The following NOL4L variants were observed in gnomAD, a reference collection of about 807,000 sequenced individuals.
NOL4L encodes nucleolar protein 4-like.
Under a neutral mutation model 64.5 loss-of-function variants are expected in NOL4L, and 7 were observed. The observed-to-expected ratio is 0.11, with a 90% CI of 0.06 to 0.20. The LOEUF (loss-of-function observed/expected upper bound fraction) is 0.20. Among genes scored for constraint, NOL4L ranks in the 10% least tolerant of loss-of-function variants. The probability of loss-of-function intolerance (pLI) is 1.00; values close to 1 mark genes in which losing one functional copy is unlikely to be tolerated. For missense variants in NOL4L, 680 were observed against 967.1 expected, an observed-to-expected ratio of 0.70 and a Z score of 3.94; for synonymous variants, 413 against 401.0, an observed-to-expected ratio of 1.03 and a Z score of -0.36.
intron 3 of NOL4L, among the ~76,000 whole-genome samples, chr20:32,516,210 G>A (rs571572450): frequency 1.1e-4 from 17 of 152,156 alleles, no homozygotes; most frequent in African/African-American, 3.1e-4. Context: ...CAGAGAGGCC[G>A]TGAGACCAGC....
intron 1 of NOL4L, among the ~76,000 whole-genome samples, chr20:32,546,946 A>C (rs2018741161): frequency 1.3e-5 from 2 of 152,236 alleles, no homozygotes; most frequent in Admixed American, 6.5e-5. Context: ...TGAAAGAATA[A>C]GTGATGAATG....
In NOL4L at chr20:32,494,813, A is replaced by G. The variant is rs191634587; in HGVS notation, c.699+16534T>C. 5.3e-4 allele frequency among the ~76,000 whole-genome samples: 81 copies of G among 152,286 alleles called. No individual in the cohort carries two copies. In the Middle Eastern group the frequency reaches 0.014, roughly 26 times the overall value. ...CCTCAATAACATCACAGAGACACCA[A>G]CCCAACATTGCAAATGGCACCAGCG... On this transcript the variant is annotated intron_variant, in intron 4 of 10. Coordinates refer to ENST00000621426, the MANE Select transcript of NOL4L (RefSeq NM_001256798.2).
chr20:32,448,006 G>A (rs1211644316), intron 10 of NOL4L, among the ~76,000 whole-genome samples, 190 bp from the exon 11 acceptor site: 1 of 152,200 alleles, frequency 6.6e-6, no homozygotes, highest in East Asian at 1.9e-4. Flanking sequence ...CGGGCGACAG[G>A]GTTCTCAGAG....
Position 32,456,290 on chromosome 20 carries a change from T to C in NOL4L, c.947A>G (p.Asn316Ser), listed in dbSNP as rs761556407. 72 of 1,583,820 alleles carry C rather than the reference T, an allele frequency of 4.5e-5. No homozygotes were observed. Among genetic ancestry groups the C allele is most frequent in the Non-Finnish European group, 5.9e-5 (69 of 1,162,696 alleles). Residue 316 changes from asparagine (N) to serine (S), a missense_variant, in exon 6 of 11, where the codon AAC becomes AGC. Around this residue, in one of 4 missense-constraint regions of NOL4L, gnomAD observed 254 missense variants for 238.7 expected, o/e 1.06. Coordinates refer to ENST00000621426, the MANE Select transcript of NOL4L (RefSeq NM_001256798.2). ...GDPAFPEMNG[N>S]GAVAPMDFTT... ...GAAGTCCATGGGGGCCACGGCGCCG[T>C]TGCCATTCATCTCGGGGAAGGCAGG... is the stretch of plus-strand genomic sequence containing the variant.
chr20:32,474,511 C>A, intron 5 of NOL4L, 90 bp downstream of exon 5: 1 of 1,470,854 alleles, frequency 6.8e-7, no homozygotes, highest in East Asian at 2.4e-5. Flanking sequence ...TTCCGCCACC[C>A]TGGAGTGTGT....
Position 32,453,173 on chromosome 20 carries a change from C to G in NOL4L, c.1497+131G>C, listed in dbSNP as rs1485268188. On this transcript the variant is annotated intron_variant, in intron 8 of 10. Transcript: ENST00000621426. The surrounding 1 kb of genome is among the most constrained non-coding windows in gnomAD (Gnocchi z 5.6). ...GGCCTTAGTTCCCTCATTTGCAAAC[C>G]AGGGATTATGGTACTTGCTTCCAGG... 17 of 1,410,232 alleles carry G rather than the reference C, an allele frequency of 1.2e-5. No individual in the cohort carries two copies. The highest frequency in any genetic ancestry group is 1.5e-5 in the Non-Finnish European group (16 of 1,041,952). 87.4% of individuals were successfully genotyped at this position (1,410,232 alleles called of 1,614,324 possible).
chr20:32,534,964 T>C (rs2018468070), intron 1 of NOL4L, among the ~76,000 whole-genome samples: 1 of 151,302 alleles, frequency 6.6e-6, no homozygotes, highest in Non-Finnish European at 1.5e-5. Context: ...TTTCAGCTCC[T>C]GGTGGGGCTG....
chr20:32,489,670 C>A (rs576301352), intron 4 of NOL4L, among the ~76,000 whole-genome samples: 3 of 151,792 alleles, frequency 2.0e-5, no homozygotes, highest in African/African-American at 7.3e-5. Flanking sequence ...CTGGGCCGGG[C>A]GCAGTGGCTC....
rs189664799 is a variant in NOL4L at position 32,452,229 on chromosome 20, G to T, written c.1822+7C>A. 26 of 1,520,648 alleles carry T rather than the reference G, an allele frequency of 1.7e-5. No individual in the cohort carries two copies. In the African/African-American group the frequency reaches 3.6e-4, roughly 21 times the overall value. The allele number at this position is 1,520,648 out of a possible 1,614,324, so 94.2% of individuals were successfully genotyped here. ...GGAAGCCAGAGCCCAGGCCTCCCCC[G>T]ACTCACCATTACTGTGGTTTCCTGT... On this transcript the variant is annotated splice_region_variant and intron_variant, in intron 10 of 10. Transcript: ENST00000621426.
At position 32,461,416 on chromosome 20, in the gene NOL4L, C is replaced by CT. The variant is rs1347135672; in HGVS notation, c.842-5022dup. ...CTGGCACACTGACCCCTCTACCTTT[C>CT]TTTTCTTTTTTTTTTTTTTTTTTTG... On this transcript the variant is annotated intron_variant, in intron 5 of 10. Coordinates refer to ENST00000621426, the MANE Select transcript of NOL4L (RefSeq NM_001256798.2). Among the ~76,000 whole-genome samples, 25 of 61,154 alleles carry CT rather than the reference C, an allele frequency of 4.1e-4. 2 individuals are homozygous for CT. The highest frequency in any genetic ancestry group is 9.7e-4 in the African/African-American group (19 of 19,546). The allele number at this position is 61,154 out of a possible 152,430, so 40.1% of individuals were successfully genotyped here.
In NOL4L at chr20:32,545,406, G is replaced by A. The variant is rs577914548; in HGVS notation, c.322-17493C>T. Among the ~76,000 whole-genome samples, 8 of 152,320 alleles carry A rather than the reference G, an allele frequency of 5.3e-5. No homozygotes were observed. The South Asian group carries it at 8.3e-4, about 16-fold the overall frequency. ...TCGTCCACCTTGGGGCCACTCACACGTGTGCGATGTCACGTTGACATCTCC... is the reference window on the plus strand; with the variant it reads ...TCGTCCACCTTGGGGCCACTCACACATGTGCGATGTCACGTTGACATCTCC... On this transcript the variant is annotated intron_variant, in intron 1 of 10. Coordinates refer to ENST00000621426, the MANE Select transcript of NOL4L (RefSeq NM_001256798.2).
At chr20:32,517,786 C>T (rs2017738862) in intron 3 of NOL4L, among the ~76,000 whole-genome samples, 2 of 152,242 alleles carry the variant, frequency 1.3e-5, no homozygotes, top group African/African-American at 2.4e-5. Flanking sequence ...GCTCCCCAGG[C>T]ACCCGCTGCG....
chr20:32,577,894 A>G (rs572115638), intron 1 of NOL4L, among the ~76,000 whole-genome samples: 8 of 152,096 alleles, frequency 5.3e-5, no homozygotes, highest in African/African-American at 1.9e-4. Context: ...CCCATTTTCC[A>G]GATGAGGAAT....
intron 2 of NOL4L, among the ~76,000 whole-genome samples, chr20:32,526,554 C>T (rs1198889233): frequency 6.6e-6 from 1 of 151,530 alleles, no homozygotes; most frequent in Non-Finnish European, 1.5e-5. Flanking sequence ...GACTTTACAG[C>T]CACCTCCACG....
intron 4 of NOL4L, 49 bp from the exon 5 acceptor site, chr20:32,474,791 C>A: frequency 6.6e-7 from 1 of 1,523,028 alleles, no homozygotes; most frequent in Non-Finnish European, 8.9e-7. Context: ...GGGCTCTCAT[C>A]AGCCTGAGGC....
chr20:32,488,827 T>TTC (rs11483298), intron 4 of NOL4L, among the ~76,000 whole-genome samples: 5,204 of 32,698 alleles, frequency 0.16, 891 homozygotes, highest in East Asian at 0.48. Context: ...CTTTCTTTCT[T>TTC]TTTCTTTCTT....
intron 1 of NOL4L, among the ~76,000 whole-genome samples, chr20:32,581,096 G>A (rs1308176589): frequency 1.3e-5 from 2 of 152,134 alleles, no homozygotes; most frequent in Non-Finnish European, 2.9e-5. Context: ...CCCCCAGCTG[G>A]CTCTTGTCAT....
intron 3 of NOL4L, among the ~76,000 whole-genome samples, chr20:32,514,605 G>A (rs1211173360): frequency 1.3e-5 from 2 of 151,820 alleles, no homozygotes; most frequent in African/African-American, 2.4e-5. Flanking sequence ...TGGGTGGCAG[G>A]GATCCTCTGC....
At chr20:32,545,009 C>A (rs2018712898) in intron 1 of NOL4L, among the ~76,000 whole-genome samples, 1 of 152,174 alleles carries the variant, frequency 6.6e-6, no homozygotes. Flanking sequence ...TGACTCCAGA[C>A]CCACACCACA....
Sources: allele counts gnomAD v4.1 joint callset (sites outside exome capture counted in the v4.1 genomes callset), GRCh38; gene constraint gnomAD v4.1.1; regional missense constraint gnomAD v4.1.1; non-coding constraint Gnocchi (gnomAD v3.1); transcripts MANE v1.5; gene names NCBI Gene and HGNC (gene_info 2026-07-23, HGNC 2026-07-21).